The following ZFHX3 variants were observed in gnomAD, a reference collection of about 807,000 sequenced individuals.
The protein encoded by ZFHX3 is zinc finger homeobox protein 3.
A neutral mutation model predicts 279.1 loss-of-function variants in ZFHX3; 42 were observed. The ratio of observed to expected loss-of-function variants is 0.15; its 90% CI spans 0.12 to 0.19. ZFHX3 has a LOEUF of 0.19. ZFHX3 is among the 10% of genes least tolerant of loss of function. The pLI, the probability that ZFHX3 is intolerant of heterozygous loss-of-function variation, is 1.00. For missense variants in ZFHX3, 4,981 were observed against 4,754.0 expected, an observed-to-expected ratio of 1.05 and a Z score of -1.40; for synonymous variants, 2,293 against 1,957.8, an observed-to-expected ratio of 1.17 and a Z score of -4.52.
chr16:73,649,786 A>T lies in ZFHX3; in HGVS notation c.-1547+30394T>A, dbSNP rs146511177. 4.1e-4 allele frequency among the ~76,000 whole-genome samples: 63 copies of T among 152,210 alleles called. 1 individual carries two copies. In the East Asian group the frequency reaches 0.012, roughly 29 times the overall value. ...GCTGGGCAAGCCTCAGGAATATCTC[A>T]TGCCTAATGGTACTCAACATAGCAA... is the stretch of plus-strand genomic sequence containing the variant. On this transcript the variant is annotated intron_variant, in intron 2 of 17. Coordinates refer to the ZFHX3 transcript ENST00000641206.
chr16:72,975,769 C>T (rs1009754185), intron 1 of ZFHX3, among the ~76,000 whole-genome samples: 1 of 152,200 alleles, frequency 6.6e-6, no homozygotes, highest in African/African-American at 2.4e-5. Flanking sequence ...AATAATTACA[C>T]CCTCACCAAC....
Position 72,787,241 on chromosome 16 carries a change from C to G in ZFHX3, c.11035G>C (p.Val3679Leu). 1 of 1,614,110 alleles carries G rather than the reference C, an allele frequency of 6.2e-7. No homozygotes were observed. The highest frequency in any genetic ancestry group is 8.5e-7 in the Non-Finnish European group (1 of 1,180,010). ...SQKSDGPASPVEGPKDPSCPK... is the reference protein window; with the variant it reads ...SQKSDGPASPLEGPKDPSCPK... Reference sequence around the variant, plus strand: ...CAGCTGGGGTCTTTGGGACCCTCCACCGGGCTCGCCGGTCCGTCGGACTTT... The same window carrying G: ...CAGCTGGGGTCTTTGGGACCCTCCAGCGGGCTCGCCGGTCCGTCGGACTTT... Residue 3679 changes from valine to leucine, a missense_variant, in exon 10 of 10, where the codon GTG (valine) becomes CTG (leucine). Around this residue, in one of 7 missense-constraint regions of ZFHX3, gnomAD observed 1,034 missense variants for 786.0 expected, o/e 1.32. Coordinates refer to ENST00000268489, the MANE Select transcript of ZFHX3 (RefSeq NM_006885.4).
intron 1 of ZFHX3, among the ~76,000 whole-genome samples, chr16:73,819,470 C>T (rs1960672798): frequency 6.6e-6 from 1 of 151,960 alleles, no homozygotes; most frequent in Non-Finnish European, 1.5e-5. Flanking sequence ...GATTTTGTAT[C>T]AGGCCTTTCC....
chr16:72,790,369 A>ATCAAAATC (rs2035647871), intron 9 of ZFHX3: 1 of 152,200 alleles, frequency 6.6e-6, no homozygotes. Flanking sequence ...AAAATGCAAA[A>ATCAAAATC]TCAAAATCTT....
intron 5 of ZFHX3, among the ~76,000 whole-genome samples, chr16:73,229,881 C>A (rs1029989967): frequency 6.6e-6 from 1 of 152,088 alleles, no homozygotes; most frequent in African/African-American, 2.4e-5. Context: ...ATCTAGGATT[C>A]TGCTAAGATT....
intron 9 of ZFHX3, among the ~76,000 whole-genome samples, chr16:72,791,797 T>C (rs1006437307): frequency 6.6e-6 from 1 of 152,360 alleles, no homozygotes; most frequent in Admixed American, 6.5e-5. Context: ...ACAACTTCTA[T>C]GTCTTAATGC....
At chr16:73,290,508 C>T (rs1265090767) in intron 4 of ZFHX3, among the ~76,000 whole-genome samples, 1 of 152,130 alleles carries the variant, frequency 6.6e-6, no homozygotes, top group Non-Finnish European at 1.5e-5. Flanking sequence ...TAAAAATGTT[C>T]CAAGCCTGAA....
chr16:73,052,091 C>A (rs1156462404), upstream of ZFHX3, among the ~76,000 whole-genome samples: 1 of 151,876 alleles, frequency 6.6e-6, no homozygotes, highest in East Asian at 1.9e-4. Flanking sequence ...CCTTTACAGT[C>A]GGTCTGATGC....
chr16:73,455,730 CTTTT>C (rs33959280), intron 3 of ZFHX3, among the ~76,000 whole-genome samples: 3 of 147,100 alleles, frequency 2.0e-5, no homozygotes, highest in African/African-American at 5.0e-5. Context: ...TAAAATATTG[CTTTT>C]TTTTTTTTTT....
chr16:73,647,511 C>A (rs1057313056), intron 2 of ZFHX3, among the ~76,000 whole-genome samples: 4 of 152,274 alleles, frequency 2.6e-5, no homozygotes, highest in Middle Eastern at 6.8e-3. Context: ...CATCTTTCAC[C>A]TTCCGCCATG....
intron 4 of ZFHX3, among the ~76,000 whole-genome samples, chr16:72,862,845 AAGTT>A (rs201375854): frequency 0.029 from 4,356 of 152,252 alleles, 450 homozygotes; most frequent in East Asian, 0.19. Flanking sequence ...GGAAAAAAAA[AAGTT>A]AGAAGAGGAA....
At chr16:73,860,809 A>G (rs1448444747) in intron 1 of ZFHX3, among the ~76,000 whole-genome samples, 2 of 152,082 alleles carry the variant, frequency 1.3e-5, no homozygotes, top group African/African-American at 4.8e-5. Flanking sequence ...CAGCTTCACC[A>G]TAAAAGCCTC....
intron 3 of ZFHX3, among the ~76,000 whole-genome samples, chr16:73,325,899 AC>A (rs2015671391): frequency 7.7e-6 from 1 of 129,624 alleles, no homozygotes; most frequent in African/African-American, 2.8e-5. Context: ...ATACACACAC[AC>A]AAACACACAC....
intron 3 of ZFHX3, among the ~76,000 whole-genome samples, chr16:73,426,516 T>G (rs1200520522): frequency 6.6e-6 from 1 of 152,080 alleles, no homozygotes; most frequent in Non-Finnish European, 1.5e-5. Flanking sequence ...TGACAGAGTT[T>G]GAATGCAGTT....
At chr16:72,811,157 T>A (rs1051713483) in intron 7 of ZFHX3, among the ~76,000 whole-genome samples, 5 of 152,180 alleles carry the variant, frequency 3.3e-5, no homozygotes, top group African/African-American at 2.4e-5. Flanking sequence ...AGAACTGGGA[T>A]TAGAGGTGTG....
intron 1 of ZFHX3, among the ~76,000 whole-genome samples, chr16:73,021,010 G>A (rs1002715920): frequency 6.6e-5 from 10 of 152,300 alleles, no homozygotes; most frequent in African/African-American, 2.4e-4. Flanking sequence ...CACCTGCAAG[G>A]ATTAGTTGAA....
At chr16:72,875,902 A>T (rs2038298460) in intron 4 of ZFHX3, among the ~76,000 whole-genome samples, 1 of 152,278 alleles carries the variant, frequency 6.6e-6, no homozygotes, top group South Asian at 2.1e-4. Context: ...AAGAGAGGGG[A>T]GGCCACAGTG....
At chr16:73,546,126 T>A (rs1366429646) in intron 2 of ZFHX3, among the ~76,000 whole-genome samples, 1 of 152,222 alleles carries the variant, frequency 6.6e-6, no homozygotes, top group Non-Finnish European at 1.5e-5. Flanking sequence ...AAAAACAAAA[T>A]GTACTTATGG....
intron 4 of ZFHX3, among the ~76,000 whole-genome samples, chr16:73,263,080 G>T (rs1268983162): frequency 6.6e-6 from 1 of 152,196 alleles, no homozygotes; most frequent in African/African-American, 2.4e-5. Flanking sequence ...TCAATAAAAT[G>T]CTTGTTGTTT....
Sources: allele counts gnomAD v4.1 joint callset (sites outside exome capture counted in the v4.1 genomes callset), GRCh38; gene constraint gnomAD v4.1.1; regional missense constraint gnomAD v4.1.1; transcripts MANE v1.5; gene names NCBI Gene and HGNC (gene_info 2026-07-23, HGNC 2026-07-21).